The following OR2L13 variants were observed in gnomAD, a reference collection of about 807,000 sequenced individuals.
OR2L13 encodes olfactory receptor 2L13.
Under a neutral mutation model 15.3 loss-of-function variants are expected in OR2L13, and 14 were observed. The ratio of observed to expected loss-of-function variants is 0.91; its 90% CI spans 0.60 to 1.43. OR2L13 has a LOEUF of 1.43. Among genes scored for constraint, OR2L13 ranks in the 40% most tolerant of loss-of-function variants. The probability of loss-of-function intolerance (pLI) is 0.00; values close to 1 mark genes in which losing one functional copy is unlikely to be tolerated. For synonymous variants in OR2L13, 152 were observed against 142.9 expected (o/e 1.06, Z -0.45); for missense variants, 367 against 387.9 (o/e 0.95, Z 0.45).
chr1:248,099,780 G>A, exon 3 of OR2L13: 1 of 1,614,118 alleles, frequency 6.2e-7, no homozygotes, highest in Non-Finnish European at 8.5e-7. Context: ...CTATCCGCAT[G>A]AGTAAAATGA....
the OR2L13 span, chr1:247,990,196 C>T: frequency 3.3e-6 from 2 of 602,930 alleles, no homozygotes; most frequent in Non-Finnish European, 6.0e-6. Flanking sequence ...GCATCCCCTG[C>T]AGATAAGGGG....
At chr1:248,031,777 A>C in the OR2L13 span, among the ~76,000 whole-genome samples, 1 of 152,196 alleles carries the variant, frequency 6.6e-6, no homozygotes, top group African/African-American at 2.4e-5. Flanking sequence ...TTGCATTCCT[A>C]AACAGTTAAG....
At chr1:247,991,226 G>A in the OR2L13 span, 2 of 1,477,670 alleles carry the variant, frequency 1.4e-6, no homozygotes, top group Non-Finnish European at 1.9e-6. Flanking sequence ...CTGCCTTAGA[G>A]TCAAAGCGCT....
At chr1:247,982,787 T>A in the OR2L13 span, among the ~76,000 whole-genome samples, 3 of 152,280 alleles carry the variant, frequency 2.0e-5, no homozygotes, top group Non-Finnish European at 4.4e-5. Flanking sequence ...GTTGAAATGA[T>A]TAAATTTTAA....
chr1:247,959,753 C>A, the OR2L13 span, among the ~76,000 whole-genome samples: 2 of 152,226 alleles, frequency 1.3e-5, no homozygotes, highest in African/African-American at 4.8e-5. Flanking sequence ...GAGGCTTGTG[C>A]ATTCGTCACG....
At chr1:247,975,494 A>G in the OR2L13 span, 2 of 908,370 alleles carry the variant, frequency 2.2e-6, no homozygotes, top group Non-Finnish European at 3.7e-6. Context: ...GCTTATACCT[A>G]TCTATATCCA....
the OR2L13 span, among the ~76,000 whole-genome samples, chr1:247,992,469 G>A: frequency 2.0e-5 from 3 of 152,156 alleles, no homozygotes; most frequent in Admixed American, 1.3e-4. Context: ...TAGAGTTAGA[G>A]TGTGGATCCT....
the OR2L13 span, among the ~76,000 whole-genome samples, chr1:247,959,194 A>G: frequency 0.8 from 120,795 of 151,450 alleles, 52,332 homozygotes; most frequent in Non-Finnish European, 0.95. Flanking sequence ...TTTCTCCTTC[A>G]CTTATGAAGC....
the OR2L13 span, among the ~76,000 whole-genome samples, chr1:248,069,451 A>C: frequency 0.015 from 2,343 of 152,242 alleles, 27 homozygotes; most frequent in Non-Finnish European, 0.023. Flanking sequence ...ACCAGGCCTG[A>C]CCTAAAAGAG....
the OR2L13 span, among the ~76,000 whole-genome samples, chr1:248,080,346 G>C: frequency 1.2e-4 from 19 of 152,106 alleles, no homozygotes; most frequent in Admixed American, 2.6e-4. Flanking sequence ...TGTTGCATAG[G>C]AATACACGTG....
the OR2L13 span, among the ~76,000 whole-genome samples, chr1:248,068,720 C>A: frequency 6.6e-6 from 1 of 152,036 alleles, no homozygotes; most frequent in Non-Finnish European, 1.5e-5. Flanking sequence ...AAGTTAAAAA[C>A]TTTGAAAAAA....
chr1:248,016,635 C>T, the OR2L13 span, among the ~76,000 whole-genome samples: 2 of 151,962 alleles, frequency 1.3e-5, no homozygotes, highest in African/African-American at 4.8e-5. Context: ...AAAAGTGAGT[C>T]AGCCTTATTT....
the OR2L13 span, among the ~76,000 whole-genome samples, chr1:247,943,500 C>CTA: frequency 6.6e-6 from 1 of 151,986 alleles, no homozygotes. Flanking sequence ...TATACTAATT[C>CTA]TATGTTTAAA....
the OR2L13 span, among the ~76,000 whole-genome samples, chr1:248,070,632 G>C: frequency 2.6e-5 from 4 of 152,022 alleles, no homozygotes; most frequent in African/African-American, 7.2e-5. Flanking sequence ...AATCAGAGCA[G>C]AACTGAAGGA....
the OR2L13 span, among the ~76,000 whole-genome samples, chr1:247,984,963 A>C: frequency 1.3e-5 from 2 of 152,038 alleles, no homozygotes; most frequent in Admixed American, 6.6e-5. Context: ...TGGGTACTTC[A>C]TGTAGGTGAA....
At chr1:247,990,435 C>T in the OR2L13 span, 7 of 1,583,120 alleles carry the variant, frequency 4.4e-6, no homozygotes, top group Non-Finnish European at 3.5e-6. Flanking sequence ...TCTCCACACA[C>T]CCATGTATTT....
At chr1:247,990,367 T>C in the OR2L13 span, 7 of 1,561,746 alleles carry the variant, frequency 4.5e-6, no homozygotes, top group South Asian at 6.7e-5. Context: ...AATTTCGTTT[T>C]CCTAATGGCT....
At chr1:248,071,511 G>A in the OR2L13 span, among the ~76,000 whole-genome samples, 2 of 152,088 alleles carry the variant, frequency 1.3e-5, no homozygotes, top group African/African-American at 2.4e-5. Flanking sequence ...CAAACCCACA[G>A]CCAATATCAT....
At chr1:247,943,790 C>T in the OR2L13 span, among the ~76,000 whole-genome samples, 4 of 152,076 alleles carry the variant, frequency 2.6e-5, no homozygotes, top group Admixed American at 6.6e-5. Flanking sequence ...TTTGACATTT[C>T]CCCCAACTAT....
Sources: gnomAD v4.1 joint callset for allele counts (sites outside exome capture counted in the v4.1 genomes callset) on GRCh38, gnomAD v4.1.1 for gene constraint, MANE v1.5 for transcripts, NCBI Gene and HGNC (gene_info 2026-07-23, HGNC 2026-07-21) for gene names.